POLR1A: variants seen among roughly 807,000 people sequenced by gnomAD.
POLR1A encodes DNA-directed RNA polymerase I subunit RPA1.
POLR1A carries 84 observed loss-of-function variants against 205.3 expected under a neutral mutation model. The ratio of observed to expected loss-of-function variants is 0.41; its 90% CI spans 0.34 to 0.49. The LOEUF is 0.49. Among genes scored for constraint, POLR1A ranks in the 20% least tolerant of loss-of-function variants. The probability of loss-of-function intolerance (pLI) is 0.22; values close to 1 mark genes in which losing one functional copy is unlikely to be tolerated. For synonymous variants in POLR1A, 799 were observed against 863.7 expected (o/e 0.93, Z 1.31); for missense variants, 1,645 against 2,204.5 (o/e 0.75, Z 5.08).
At chr2:86,104,192 G>A (rs534568863) in intron 1 of POLR1A, among the ~76,000 whole-genome samples, 3 of 152,286 alleles carry the variant, frequency 2.0e-5, no homozygotes, top group Admixed American at 1.3e-4. Context: ...CACTTGAGAG[G>A]TGTAAGGGGA....
chr2:86,028,467 T>G lies in POLR1A; in HGVS notation c.4897+127A>C. The G allele has an allele frequency of 2.8e-6, 2 of 717,726 alleles. No homozygotes were observed. Among genetic ancestry groups the G allele is most frequent in the Non-Finnish European group, 2.6e-6 (1 of 386,940 alleles). 44.5% of individuals were successfully genotyped at this position (717,726 alleles called of 1,614,324 possible). ...ACAGGTGCACTCACTGCACGCATGC[T>G]GCAGTGCCTGCCTTAGTGCTGGACT... is the stretch of plus-strand genomic sequence containing the variant. On this transcript the variant is annotated intron_variant, in intron 32 of 33. Transcript: ENST00000263857. The surrounding 1 kb of genome is among the most constrained non-coding windows in gnomAD (Gnocchi z 4.5).
In POLR1A at chr2:86,077,825, A is replaced by G. The variant is rs753844163; in HGVS notation, c.1380+34T>C. The G allele has an allele frequency of 6.0e-4, 248 of 414,594 alleles. 5 individuals carry two copies. Among genetic ancestry groups the G allele is most frequent in the Middle Eastern group, 3.3e-3 (3 of 914 alleles). The allele number at this position is 414,594 out of a possible 1,614,324, so 25.7% of individuals were successfully genotyped here. A position where few individuals can be genotyped will look rare whatever the true frequency, so the allele number is the denominator to read the frequency against. ...CACGCGCGCGCGCACACACACACAC[A>G]CACACACACACACACACACACACAC... On this transcript the variant is annotated intron_variant, in intron 11 of 33. Transcript: ENST00000263857.
rs141245848 is a variant in POLR1A, at chr2:86,092,844, T to C, written c.433-2915A>G. On this transcript the variant is annotated intron_variant, in intron 3 of 33. Coordinates refer to ENST00000263857, the MANE Select transcript of POLR1A (RefSeq NM_015425.6). The stretch of plus-strand genomic sequence containing the variant: ...TCTCTCAAAAAAAAAGAAAGAATTA[T>C]GTTACTTATTTTATGAGGCTGACAT... 3.9e-3 allele frequency among the ~76,000 whole-genome samples: 589 copies of C among 151,912 alleles called. 7 individuals are homozygous for C. The highest frequency in any genetic ancestry group is 0.033 in the Admixed American group (499 of 15,226).
Position 86,104,911 on chromosome 2 carries a change from G to A in POLR1A, c.77+789C>T, listed in dbSNP as rs115341190. On this transcript the variant is annotated intron_variant, in intron 1 of 33. Transcript: ENST00000263857. ...ATTTAAATTTGAGACTATAAATCAT[G>A]AAAGTGGTGAGATTGTCTAGGGACA... is the stretch of plus-strand genomic sequence containing the variant. Among the ~76,000 whole-genome samples, 1,034 of 152,348 alleles carry A rather than the reference G, an allele frequency of 6.8e-3. 14 individuals carry two copies. The highest frequency in any genetic ancestry group is 0.023 in the African/African-American group (959 of 41,572).
At chr2:86,078,770 C>T (rs976619598) in intron 9 of POLR1A, among the ~76,000 whole-genome samples, 1 of 152,190 alleles carries the variant, frequency 6.6e-6, no homozygotes, top group Non-Finnish European at 1.5e-5. Flanking sequence ...GTTTGCCATA[C>T]GATATTCTAT....
At chr2:86,082,166 C>A (rs969648248) in intron 7 of POLR1A, among the ~76,000 whole-genome samples, 1 of 152,008 alleles carries the variant, frequency 6.6e-6, no homozygotes, top group South Asian at 2.1e-4. Context: ...AAAAAATAGC[C>A]CCTGTGTACA....
rs541553171 is a variant in POLR1A, at chr2:86,078,511, G to A, written c.1087-227C>T. ...ATATTTACCAGCCTGTCTCTTTCTAGTAGTAAGATGAACTCAAAATTTATA... is the reference window on the plus strand; with the variant it reads ...ATATTTACCAGCCTGTCTCTTTCTAATAGTAAGATGAACTCAAAATTTATA... On this transcript the variant is annotated intron_variant, in intron 9 of 33. Coordinates refer to ENST00000263857, the MANE Select transcript of POLR1A (RefSeq NM_015425.6). 2.4e-3 allele frequency among the ~76,000 whole-genome samples: 363 copies of A among 152,312 alleles called. 1 individual carries two copies. The highest frequency in any genetic ancestry group is 3.7e-3 in the Admixed American group (57 of 15,300).
rs546896040 is a variant in POLR1A, at chr2:86,033,684, C to T, written c.4138G>A (p.Ala1380Thr). The T allele has an allele frequency of 2.4e-5, 38 of 1,613,680 alleles. No individual in the cohort carries two copies. The highest frequency in any genetic ancestry group is 1.7e-4 in the Middle Eastern group (1 of 5,766). Residue 1380 changes from alanine to threonine, a missense_variant, in exon 28 of 34, where the codon GCT (alanine) becomes ACT (threonine). Ala to Thr is a moderately conservative substitution (Grantham distance 58). Around this residue, in one of 16 missense-constraint regions of POLR1A, gnomAD observed 394 missense variants for 468.5 expected, o/e 0.84. Transcript: ENST00000263857. ...ACCCGACTCCTCCCCAACTCCCCAG[C>T]GTTGTCCAGATCCCGCTGTGTAGCT... ...RRATQRDLDN[A>T]GELGRSRGEQ...
intron 11 of POLR1A, 50 bp downstream of exon 11, chr2:86,077,809 G>GCACA (rs758996128): frequency 1.8e-4 from 233 of 1,302,190 alleles, no homozygotes; most frequent in South Asian, 5.5e-4. Context: ...GCACGCGCGC[G>GCACA]CGCACACACA....
At chr2:86,035,342 C>T (rs1435640742) in intron 27 of POLR1A, among the ~76,000 whole-genome samples, 1 of 152,182 alleles carries the variant, frequency 6.6e-6, no homozygotes, top group East Asian at 1.9e-4. Context: ...TACAATCCCA[C>T]TGGAAAGAGG....
At chr2:86,048,614 C>A (rs936637711) in intron 18 of POLR1A, among the ~76,000 whole-genome samples, 4 of 152,188 alleles carry the variant, frequency 2.6e-5, no homozygotes, top group Non-Finnish European at 1.5e-5. Flanking sequence ...AATGCAGTCA[C>A]CCCAAAATAA....
intron 1 of POLR1A, among the ~76,000 whole-genome samples, chr2:86,103,886 T>A (rs1222135614): frequency 1.3e-5 from 2 of 152,204 alleles, no homozygotes; most frequent in Non-Finnish European, 1.5e-5. Flanking sequence ...CAGAGGGAAG[T>A]ACCTCCTTTT....
intron 14 of POLR1A, among the ~76,000 whole-genome samples, chr2:86,064,867 C>T (rs1338444163): frequency 6.6e-6 from 1 of 151,760 alleles, no homozygotes; most frequent in Non-Finnish European, 1.5e-5. Flanking sequence ...GATTCTCTTG[C>T]CTCAGGCTGA....
At chr2:86,105,124 A>G (rs892888230) in intron 1 of POLR1A, among the ~76,000 whole-genome samples, 1 of 152,236 alleles carries the variant, frequency 6.6e-6, no homozygotes, top group African/African-American at 2.4e-5. Flanking sequence ...GGGAGGTAGA[A>G]GTATTTGTCA....
intron 13 of POLR1A, among the ~76,000 whole-genome samples, chr2:86,066,982 G>C (rs77698612): frequency 2.6e-5 from 4 of 152,156 alleles, no homozygotes; most frequent in Non-Finnish European, 5.9e-5. Context: ...TCTTTGGGGG[G>C]CAGATACTGA....
intron 12 of POLR1A, among the ~76,000 whole-genome samples, chr2:86,071,841 A>G (rs1261029715): frequency 2.0e-5 from 3 of 152,210 alleles, no homozygotes; most frequent in Non-Finnish European, 4.4e-5. Flanking sequence ...AAATGTATGA[A>G]GGTAACTGCC....
intron 31 of POLR1A, 39 bp downstream of exon 31, chr2:86,030,157 C>T (rs746889791): frequency 6.5e-7 from 1 of 1,549,188 alleles, no homozygotes; most frequent in Admixed American, 1.7e-5. Flanking sequence ...GGGGTGAGGA[C>T]TAATGCTTTG....
rs1690222330 is a variant in POLR1A, at chr2:86,024,477, G to A, written c.*2946C>T. ...TTCCAGACTGGGGATGAGACAAGGT[G>A]CTTCACCCCTTCCTCGGTTTTATTC... On this transcript the variant is annotated 3_prime_UTR_variant, in exon 34 of 34. Transcript: ENST00000263857. The A allele has an allele frequency of 6.6e-6, 1 of 152,288 alleles. No homozygotes were observed. Among genetic ancestry groups the A allele is most frequent in the Admixed American group, 6.5e-5 (1 of 15,276 alleles). The allele number at this position is 152,288 out of a possible 1,614,324, so 9.4% of individuals were successfully genotyped here.
At chr2:86,064,091 T>C (rs1296734938) in intron 14 of POLR1A, among the ~76,000 whole-genome samples, 1 of 152,194 alleles carries the variant, frequency 6.6e-6, no homozygotes, top group Admixed American at 6.5e-5. Flanking sequence ...CAAATAAAAT[T>C]AGGAAATAGG....
Sources: gnomAD v4.1 joint callset for allele counts (sites outside exome capture counted in the v4.1 genomes callset) on GRCh38, gnomAD v4.1.1 for gene constraint, gnomAD v4.1.1 regional missense constraint, Gnocchi (gnomAD v3.1) non-coding constraint, MANE v1.5 for transcripts, NCBI Gene and HGNC (gene_info 2026-07-23, HGNC 2026-07-21) for gene names.